The following STAG1 variants were observed in gnomAD, a reference collection of about 807,000 sequenced individuals.
The protein encoded by STAG1 is STAG1 cohesin complex component, also known as cohesin subunit SA-1.
STAG1 carries 26 observed loss-of-function variants against 170.9 expected under a neutral mutation model. The observed-to-expected ratio is 0.15, with a 90% CI of 0.11 to 0.21. The LOEUF is 0.21. Among genes scored for constraint, STAG1 ranks in the 10% least tolerant of loss-of-function variants. The pLI, the probability that STAG1 is intolerant of heterozygous loss-of-function variation, is 1.00. For missense variants in STAG1, 964 were observed against 1,509.5 expected (o/e 0.64, Z 5.99); for synonymous variants, 514 against 497.7 (o/e 1.03, Z -0.44).
At chr3:136,369,341 A>G (rs1937202667) in intron 23 of STAG1, 59 bp from the exon 24 acceptor site, 1 of 1,349,236 alleles carries the variant, frequency 7.4e-7, no homozygotes, top group Non-Finnish European at 1.0e-6. Context: ...ACAAGTCAAC[A>G]TTAATGAAAA....
intron 12 of STAG1, among the ~76,000 whole-genome samples, chr3:136,467,655 G>A (rs146904391): frequency 2.4e-4 from 36 of 152,174 alleles, no homozygotes; most frequent in Admixed American, 7.2e-4. Context: ...TGCACCAAGC[G>A]GAATGAACAG....
intron 1 of STAG1, among the ~76,000 whole-genome samples, chr3:136,655,589 C>T (rs1277198868): frequency 6.6e-6 from 1 of 152,074 alleles, no homozygotes; most frequent in Non-Finnish European, 1.5e-5. Context: ...ATGGTGACAC[C>T]CCATTTCTAC....
chr3:136,744,639 G>A (rs1934843003), intron 1 of STAG1, among the ~76,000 whole-genome samples: 1 of 149,942 alleles, frequency 6.7e-6, no homozygotes, highest in South Asian at 2.1e-4. Flanking sequence ...TAGCTGCTGT[G>A]AGTCGTGACA....
intron 3 of STAG1, among the ~76,000 whole-genome samples, chr3:136,613,783 C>T (rs1168920975): frequency 2.6e-5 from 4 of 152,156 alleles, no homozygotes; most frequent in African/African-American, 4.8e-5. Flanking sequence ...CCACTGTGCC[C>T]GGCCAATTAA....
chr3:136,423,170 A>T, intron 16 of STAG1, 126 bp from the exon 17 acceptor site: 1 of 591,322 alleles, frequency 1.7e-6, no homozygotes, highest in Non-Finnish European at 2.8e-6. Flanking sequence ...AATGACTGAA[A>T]TAAACACAAG....
intron 9 of STAG1, among the ~76,000 whole-genome samples, chr3:136,490,650 A>G (rs1005081543): frequency 1.3e-5 from 2 of 152,244 alleles, no homozygotes; most frequent in African/African-American, 4.8e-5. Flanking sequence ...TAGATCAAAG[A>G]TGAAATATTA....
intron 1 of STAG1, among the ~76,000 whole-genome samples, chr3:136,741,866 T>A (rs1409781024): frequency 6.6e-6 from 1 of 152,132 alleles, no homozygotes; most frequent in East Asian, 1.9e-4. Flanking sequence ...AAAGATATAT[T>A]ATGGAAACAG....
At chr3:136,366,673 C>T (rs1937084912) in intron 25 of STAG1, among the ~76,000 whole-genome samples, 1 of 152,060 alleles carries the variant, frequency 6.6e-6, no homozygotes, top group Non-Finnish European at 1.5e-5. Context: ...GGTCTCTGAG[C>T]CCTGCTTTTT....
chr3:136,399,896 A>C (rs899217887), intron 21 of STAG1, among the ~76,000 whole-genome samples: 7 of 152,220 alleles, frequency 4.6e-5, no homozygotes, highest in African/African-American at 1.7e-4. Context: ...ATTACATAAC[A>C]AATAATAAAA....
chr3:136,724,444 G>C (rs1256974168), intron 1 of STAG1, among the ~76,000 whole-genome samples: 1 of 151,596 alleles, frequency 6.6e-6, no homozygotes, highest in Non-Finnish European at 1.5e-5. Context: ...CTAATCTCAA[G>C]TACCCAGGGA....
intron 1 of STAG1, among the ~76,000 whole-genome samples, chr3:136,745,529 T>A (rs1179063985): frequency 6.6e-6 from 1 of 152,190 alleles, no homozygotes; most frequent in East Asian, 1.9e-4. Flanking sequence ...GCACGCAACG[T>A]ACATCCCTTG....
intron 15 of STAG1, among the ~76,000 whole-genome samples, chr3:136,439,014 T>G (rs1017283782): frequency 3.3e-5 from 5 of 151,242 alleles, no homozygotes; most frequent in Non-Finnish European, 5.9e-5. Context: ...CTGGCCAACA[T>G]GGGGAAACCG....
In STAG1 at chr3:136,349,059, C is replaced by A. The variant is rs1936339714; in HGVS notation, c.3271+99G>T. ...TTGTGAATAAAATATACAAGAAAAT[C>A]ATGTGCCTGATACTATTATCTTGCT... On this transcript the variant is annotated intron_variant, in intron 29 of 33. Coordinates refer to ENST00000383202, the MANE Select transcript of STAG1 (RefSeq NM_005862.3). 9 of 907,860 alleles carry A rather than the reference C, an allele frequency of 9.9e-6. No homozygotes were observed. In the East Asian group the frequency reaches 2.2e-4, roughly 22 times the overall value. The allele number at this position is 907,860 out of a possible 1,614,324, so 56.2% of individuals were successfully genotyped here. A position where few individuals can be genotyped will look rare whatever the true frequency, so the allele number is the denominator to read the frequency against.
chr3:136,689,675 G>A (rs1343673676), intron 1 of STAG1, among the ~76,000 whole-genome samples: 1 of 152,168 alleles, frequency 6.6e-6, no homozygotes, highest in Non-Finnish European at 1.5e-5. Context: ...GGACGACAGA[G>A]ATCTGACTGA....
At chr3:136,671,121 C>T (rs1262707129) in intron 1 of STAG1, among the ~76,000 whole-genome samples, 1 of 152,062 alleles carries the variant, frequency 6.6e-6, no homozygotes, top group African/African-American at 2.4e-5. Flanking sequence ...CTCGTCTCTA[C>T]TAAAAATACA....
At chr3:136,711,508 CTG>C (rs1287412661) in intron 1 of STAG1, among the ~76,000 whole-genome samples, 1 of 151,826 alleles carries the variant, frequency 6.6e-6, no homozygotes, top group Non-Finnish European at 1.5e-5. Context: ...CTACAGTACA[CTG>C]TTATCACGCT....
In STAG1 at chr3:136,417,966, A is replaced by G. The variant is rs919901125; in HGVS notation, c.2115T>C (p.His705=). Residue 705 remains histidine (H), a synonymous_variant, in exon 21 of 34, where the codon CAT becomes CAC. Transcript: ENST00000383202. ...CAAAGAGATCCCATTTTGTGAGATC[A>G]TGTGCACTGAAATAAACAAAAATGC... The part of the protein sequence containing the change: ...LKRLTSFHNA[H]DLTKWDLFGN... 6.2e-7 allele frequency: 1 copy of G among 1,610,988 alleles called. No homozygotes were observed. Among genetic ancestry groups the G allele is most frequent in the South Asian group, 1.1e-5 (1 of 90,506 alleles).
intron 2 of STAG1, among the ~76,000 whole-genome samples, chr3:136,625,081 G>A (rs1344992577): frequency 6.6e-6 from 1 of 152,114 alleles, no homozygotes; most frequent in African/African-American, 2.4e-5. Flanking sequence ...ATACAAGCTG[G>A]CTTCAACACA....
intron 15 of STAG1, among the ~76,000 whole-genome samples, chr3:136,438,230 A>C (rs1450833148): frequency 7.2e-6 from 1 of 138,652 alleles, no homozygotes; most frequent in African/African-American, 2.5e-5. Flanking sequence ...CTTATCGTTT[A>C]GTTTCTTTTC....
Sources: allele counts gnomAD v4.1 joint callset (sites outside exome capture counted in the v4.1 genomes callset), GRCh38; gene constraint gnomAD v4.1.1; transcripts MANE v1.5; gene names NCBI Gene and HGNC (gene_info 2026-07-23, HGNC 2026-07-21).